Variants in CD84 observed in about 807,000 individuals in gnomAD.
CD84 encodes SLAM family member 5.
A neutral mutation model predicts 33.8 loss-of-function variants in CD84; 22 were observed. The ratio of observed to expected loss-of-function variants is 0.65; its 90% CI spans 0.46 to 0.93. CD84 has a LOEUF of 0.93. Ranked by LOEUF, CD84 falls within the 40% of genes least tolerant of loss-of-function variation. The pLI, the probability that CD84 is intolerant of heterozygous loss-of-function variation, is 0.00. For synonymous variants in CD84, 154 were observed against 145.2 expected (o/e 1.06, Z -0.44); for missense variants, 400 against 397.6 (o/e 1.01, Z -0.05).
Position 160,542,090 on chromosome 1 carries a change from G to C in CD84, c.*6166C>G, listed in dbSNP as rs1306479793. Reference sequence around the variant, plus strand: ...TGGGTAGCTGCTGATTGGTGAAGCAGTGAAGAATAGCAGTTCTGCACCCAG... The same window carrying C: ...TGGGTAGCTGCTGATTGGTGAAGCACTGAAGAATAGCAGTTCTGCACCCAG... On this transcript the variant is annotated 3_prime_UTR_variant, in exon 7 of 7. Transcript: ENST00000368054. The C allele has an allele frequency of 6.6e-6, 1 of 152,254 alleles. No individual in the cohort carries two copies. Among genetic ancestry groups the C allele is most frequent in the Non-Finnish European group, 1.5e-5 (1 of 68,064 alleles). The allele number at this position is 152,254 out of a possible 1,614,324, so 9.4% of individuals were successfully genotyped here. A position where few individuals can be genotyped will look rare whatever the true frequency, so the allele number is the denominator to read the frequency against.
At chr1:160,550,682 C>T in intron 5 of CD84, 5 of 985,378 alleles carry the variant, frequency 5.1e-6, no homozygotes, top group Non-Finnish European at 6.0e-6. Flanking sequence ...GCTCATCTAA[C>T]CTGGAGCCGG....
At position 160,553,958 on chromosome 1, in the gene CD84, A is replaced by C. The variant is rs138243911; in HGVS notation, c.577T>G (p.Cys193Gly). 1.2e-6 allele frequency: 2 copies of C among 1,614,094 alleles called. No individual in the cohort carries two copies. The highest frequency in any genetic ancestry group is 2.7e-5 in the African/African-American group (2 of 74,940). ...TPEDQELTYT[C>G]TAQNPVSNNS... ...TTGCTGACAGGGTTCTGGGCTGTAC[A>C]CGTGTAAGTCAGCTCTTGGTCCTCA... is the stretch of plus-strand genomic sequence containing the variant. The change falls in exon 3 of 7, where the codon TGT becomes GGT. Residue 193 changes from cysteine to glycine, a missense_variant. By Grantham distance (159) the Cys-to-Gly change is radical. Transcript: ENST00000368054.
chr1:160,553,597 C>A, intron 3 of CD84, 100 bp from the exon 4 acceptor site: 3 of 1,387,192 alleles, frequency 2.2e-6, no homozygotes, highest in Non-Finnish European at 2.0e-6. Context: ...AATTGGGTGC[C>A]CTCCGAAGGA....
chr1:160,547,401 A>T lies in CD84; in HGVS notation c.*855T>A. Reference sequence around the variant, plus strand: ...TCTTCTGCTGAGGCTGCTTGGAGTGATACAGAAGGAAATCTTGGCCAGAAA... The same window carrying T: ...TCTTCTGCTGAGGCTGCTTGGAGTGTTACAGAAGGAAATCTTGGCCAGAAA... On this transcript the variant is annotated 3_prime_UTR_variant, in exon 7 of 7. Coordinates refer to ENST00000368054, the MANE Select transcript of CD84 (RefSeq NM_003874.4). The T allele has an allele frequency of 2.6e-6, 1 of 390,310 alleles. No individual in the cohort carries two copies. Among genetic ancestry groups the T allele is most frequent in the Admixed American group, 4.5e-5 (1 of 22,458 alleles). The allele number at this position is 390,310 out of a possible 1,614,324, so 24.2% of individuals were successfully genotyped here. A position where few individuals can be genotyped will look rare whatever the true frequency, so the allele number is the denominator to read the frequency against.
At position 160,542,860 on chromosome 1, in the gene CD84, T is replaced by C. The variant is rs1055835052; in HGVS notation, c.*5396A>G. The C allele has an allele frequency of 6.6e-6, 1 of 152,224 alleles. No individual in the cohort carries two copies. Among genetic ancestry groups the C allele is most frequent in the Non-Finnish European group, 1.5e-5 (1 of 68,048 alleles). 9.4% of individuals were successfully genotyped at this position (152,224 alleles called of 1,614,324 possible). On this transcript the variant is annotated 3_prime_UTR_variant, in exon 7 of 7. Transcript: ENST00000368054. ...TAACACTTTCATATGTTTTGAAAAA[T>C]TACTGGACCCCTCACACTTGGATGG...
In CD84 at chr1:160,548,338, C is replaced by A. The variant is rs776360628; in HGVS notation, c.922-17G>T. ...TTTCCCCATCTGTGCAGGAGAGAAG[C>A]GTGAGAAAATGTTAACTGAGAGGTG... On this transcript the variant is annotated splice_polypyrimidine_tract_variant and intron_variant, in intron 6 of 6. Transcript: ENST00000368054. 3.1e-6 allele frequency: 5 copies of A among 1,614,000 alleles called. No individual in the cohort carries two copies. The highest frequency in any genetic ancestry group is 1.1e-5 in the South Asian group (1 of 91,068).
At chr1:160,548,653 C>T (rs1477333654) in intron 6 of CD84, among the ~76,000 whole-genome samples, 3 of 152,138 alleles carry the variant, frequency 2.0e-5, no homozygotes, top group Non-Finnish European at 2.9e-5. Flanking sequence ...TTCCTTGTTC[C>T]TAGTTGACCC....
chr1:160,551,074 G>C (rs1557969722), intron 4 of CD84, 39 bp from the exon 5 acceptor site: 1 of 1,505,534 alleles, frequency 6.6e-7, no homozygotes, highest in East Asian at 2.3e-5. Context: ...GTCTGTGAAA[G>C]GTGGTTTTTT....
rs769719207 is a variant in CD84 at position 160,548,274 on chromosome 1, G to A, written c.969C>T (p.Ser323=). 6.2e-7 allele frequency: 1 copy of A among 1,614,186 alleles called. No homozygotes were observed. Among genetic ancestry groups the A allele is most frequent in the Non-Finnish European group, 8.5e-7 (1 of 1,180,018 alleles). Residue 323 remains serine (S), a synonymous_variant, in exon 7 of 7, where the codon AGC becomes AGT. Coordinates refer to ENST00000368054, the MANE Select transcript of CD84 (RefSeq NM_003874.4). ...CAGCAGCCTAGATCACAATTTCATA[G>A]CTTGAAGTCCCAGGAGGTTTACTGT... The part of the protein sequence containing the change: ...TQDSKPPGTS[S]YEIVI
rs1436162042 is a variant in CD84 at position 160,543,085 on chromosome 1, T to C, written c.*5171A>G. ...AACCCCTGCCTGTCCAAAATGCATATAGAGAGCTCTATCCAACCTTCTTTA... is the reference window on the plus strand; with the variant it reads ...AACCCCTGCCTGTCCAAAATGCATACAGAGAGCTCTATCCAACCTTCTTTA... On this transcript the variant is annotated 3_prime_UTR_variant, in exon 7 of 7. Transcript: ENST00000368054. 1 of 152,206 alleles carries C rather than the reference T, an allele frequency of 6.6e-6. No individual in the cohort carries two copies. The allele number at this position is 152,206 out of a possible 1,614,324, so 9.4% of individuals were successfully genotyped here.
chr1:160,562,664 C>A (rs7535796), intron 2 of CD84, among the ~76,000 whole-genome samples: 138,522 of 152,222 alleles, frequency 0.91, 63,224 homozygotes, highest in Non-Finnish European at 0.94. Flanking sequence ...GGCACGGGCA[C>A]AGATTTCATG....
At chr1:160,557,785 C>T (rs980011099) in intron 2 of CD84, among the ~76,000 whole-genome samples, 2 of 152,208 alleles carry the variant, frequency 1.3e-5, no homozygotes, top group African/African-American at 4.8e-5. Context: ...TCTGCCATCT[C>T]TGTGGTTCAG....
chr1:160,570,035 G>C (rs1657592895), intron 1 of CD84, among the ~76,000 whole-genome samples: 1 of 152,142 alleles, frequency 6.6e-6, no homozygotes, highest in Non-Finnish European at 1.5e-5. Context: ...CTGCATCAGA[G>C]AGGCCATTTA....
At chr1:160,567,842 C>T (rs1044010714) in intron 1 of CD84, among the ~76,000 whole-genome samples, 2 of 152,098 alleles carry the variant, frequency 1.3e-5, no homozygotes, top group Non-Finnish European at 2.9e-5. Flanking sequence ...TTTGGAGTGT[C>T]CCAGCGTGAA....
chr1:160,553,017 A>G, intron 4 of CD84: 1 of 567,084 alleles, frequency 1.8e-6, no homozygotes, highest in Non-Finnish European at 3.2e-6. Flanking sequence ...ATCAAAATAC[A>G]ATGAAATTGG....
chr1:160,569,883 T>C (rs1430648580), intron 1 of CD84, among the ~76,000 whole-genome samples: 2 of 152,180 alleles, frequency 1.3e-5, no homozygotes, highest in Non-Finnish European at 2.9e-5. Flanking sequence ...AAATTAGGTT[T>C]AGATTTGAGA....
chr1:160,554,762 G>A (rs1656491192), intron 2 of CD84, among the ~76,000 whole-genome samples: 1 of 152,138 alleles, frequency 6.6e-6, no homozygotes, highest in South Asian at 2.1e-4. Context: ...ATCAACCGAT[G>A]TTTGTGTTGG....
At chr1:160,551,758 T>C (rs2102132722) in intron 4 of CD84, among the ~76,000 whole-genome samples, 1 of 152,312 alleles carries the variant, frequency 6.6e-6, no homozygotes, top group Non-Finnish European at 1.5e-5. Context: ...TTGCCCAGGT[T>C]GGTCTTGAAC....
Position 160,542,959 on chromosome 1 carries a change from C to A in CD84, c.*5297G>T, listed in dbSNP as rs562111807. 2 of 152,174 alleles carry A rather than the reference C, an allele frequency of 1.3e-5. No homozygotes were observed. Among genetic ancestry groups the A allele is most frequent in the Admixed American group, 1.3e-4 (2 of 15,294 alleles). 9.4% of individuals were successfully genotyped at this position (152,174 alleles called of 1,614,324 possible). A position where few individuals can be genotyped will look rare whatever the true frequency, so the allele number is the denominator to read the frequency against. On this transcript the variant is annotated 3_prime_UTR_variant, in exon 7 of 7. Coordinates refer to ENST00000368054, the MANE Select transcript of CD84 (RefSeq NM_003874.4). ...ATTGTTCAGCACAATTCCCCAAATT[C>A]TTATCTCTTCTTTTGTTTCTGTTAT... is the stretch of plus-strand genomic sequence containing the variant.
Sources: gnomAD v4.1 joint callset for allele counts (sites outside exome capture counted in the v4.1 genomes callset) on GRCh38, gnomAD v4.1.1 for gene constraint, MANE v1.5 for transcripts, NCBI Gene and HGNC (gene_info 2026-07-23, HGNC 2026-07-21) for gene names.